TCF4: variants seen among roughly 807,000 people sequenced by gnomAD.
TCF4 encodes the protein transcription factor 4, also known as SL3-3 enhancer factor 2.
In TCF4, 3 loss-of-function variants were observed where a neutral mutation model predicts 82.1. The ratio of observed to expected loss-of-function variants is 0.04; its 90% CI spans 0.02 to 0.09. The LOEUF (loss-of-function observed/expected upper bound fraction) is 0.09. TCF4 is among the 10% of genes least tolerant of loss of function. The pLI is 1.00. For missense variants in TCF4, 518 were observed against 852.7 expected, an observed-to-expected ratio of 0.61 and a Z score of 4.89; for synonymous variants, 276 against 309.6, an observed-to-expected ratio of 0.89 and a Z score of 1.14.
chr18:55,339,062 A>G (rs1269521647), intron 8 of TCF4, among the ~76,000 whole-genome samples: 1 of 152,202 alleles, frequency 6.6e-6, no homozygotes, highest in Non-Finnish European at 1.5e-5. Flanking sequence ...CTGTTTCCTC[A>G]TGTGAATGCT....
chr18:55,236,581 T>C (rs1180205591), intron 15 of TCF4, among the ~76,000 whole-genome samples: 1 of 152,124 alleles, frequency 6.6e-6, no homozygotes, highest in Admixed American at 6.5e-5. Flanking sequence ...TAACTCACTC[T>C]CTTATATATT....
intron 6 of TCF4, among the ~76,000 whole-genome samples, chr18:55,393,035 T>C (rs989879903): frequency 6.6e-6 from 1 of 152,232 alleles, no homozygotes; most frequent in African/African-American, 2.4e-5. Context: ...AAAACTATTT[T>C]GCAGACATCT....
rs1411131416 is a variant in TCF4 at position 55,630,914 on chromosome 18, T to G, written c.286+384A>C. ...AGCATATGCAAAGGCTTTGTCCTAT[T>G]TGAAAATAGCAAAGGAGGCCAGAGT... On this transcript the variant is annotated intron_variant, in intron 2 of 20. Coordinates refer to the TCF4 transcript ENST00000398339. Among the ~76,000 whole-genome samples the G allele has an allele frequency of 2.0e-5, 3 of 152,328 alleles. No individual in the cohort carries two copies. The South Asian group carries it at 6.2e-4, about 32-fold the overall frequency.
intron 3 of TCF4, among the ~76,000 whole-genome samples, chr18:55,564,031 C>G (rs192420718): frequency 6.6e-6 from 1 of 152,122 alleles, no homozygotes; most frequent in African/African-American, 2.4e-5. Flanking sequence ...AAATTCAGCA[C>G]GCACTGAACC....
intron 3 of TCF4, among the ~76,000 whole-genome samples, chr18:55,556,249 A>G (rs552077143): frequency 1.3e-5 from 2 of 152,050 alleles, no homozygotes; most frequent in South Asian, 4.1e-4. Flanking sequence ...AATGCTCTGT[A>G]TCTCACATCC....
intron 3 of TCF4, among the ~76,000 whole-genome samples, chr18:55,564,450 A>G (rs1246595009): frequency 1.3e-5 from 2 of 152,236 alleles, no homozygotes; most frequent in Non-Finnish European, 2.9e-5. Context: ...AGGCTACTAG[A>G]GTAGACCAGG....
chr18:55,585,531 A>C (rs983021511), intron 2 of TCF4, 179 bp from the exon 3 acceptor site: 12 of 674,920 alleles, frequency 1.8e-5, no homozygotes, highest in Non-Finnish European at 3.0e-5. Flanking sequence ...ATCCCACCCC[A>C]GCCCCCATTA....
intron 6 of TCF4, among the ~76,000 whole-genome samples, chr18:55,400,275 C>T (rs565571168): frequency 2.6e-5 from 4 of 152,216 alleles, no homozygotes; most frequent in African/African-American, 9.6e-5. Context: ...TTCTGTCAGA[C>T]TTTCCATTAT....
At position 55,304,307 on chromosome 18, in the gene TCF4, G is replaced by C. The variant is rs186288122; in HGVS notation, c.550-24651C>G. 4.6e-3 allele frequency among the ~76,000 whole-genome samples: 699 copies of C among 152,214 alleles called. 12 individuals are homozygous for C. Among genetic ancestry groups the C allele is most frequent in the Admixed American group, 0.028 (421 of 15,290 alleles). On this transcript the variant is annotated intron_variant, in intron 8 of 19. Coordinates refer to ENST00000354452, the MANE Select transcript of TCF4 (RefSeq NM_001083962.2). ...ACCAGAAAACATAAACAAAAATATA[G>C]GAATTCGATGTGAGAGTAAGACAAA...
intron 3 of TCF4, among the ~76,000 whole-genome samples, chr18:55,566,773 G>T (rs531255697): frequency 2.6e-4 from 39 of 152,020 alleles, no homozygotes; most frequent in Admixed American, 2.6e-3. Flanking sequence ...ACATGTAATC[G>T]GAATCCCCAA....
chr18:55,236,888 C>T (rs1174533162), intron 15 of TCF4, among the ~76,000 whole-genome samples: 3 of 152,322 alleles, frequency 2.0e-5, no homozygotes, highest in Non-Finnish European at 4.4e-5. Context: ...AAGGTAACCA[C>T]AGATTTGAGC....
intron 5 of TCF4, chr18:55,452,789 A>G (rs886082957): frequency 3.3e-5 from 5 of 152,156 alleles, no homozygotes; most frequent in Non-Finnish European, 5.9e-5. Context: ...TGAAGGTGAG[A>G]TGCAAACAGC....
At chr18:55,578,530 T>C (rs969270062) in intron 3 of TCF4, among the ~76,000 whole-genome samples, 15 of 152,124 alleles carry the variant, frequency 9.9e-5, no homozygotes, top group African/African-American at 3.4e-4. Flanking sequence ...GTCATTACTT[T>C]GGGATTCCCT....
chr18:55,554,314 AGAAAAAATTT>A (rs1242318156), intron 3 of TCF4, among the ~76,000 whole-genome samples: 2 of 152,226 alleles, frequency 1.3e-5, no homozygotes, highest in Non-Finnish European at 2.9e-5. Flanking sequence ...TTGAGAAAGC[AGAAAAAATTT>A]GAAAAAATTT....
intron 15 of TCF4, among the ~76,000 whole-genome samples, chr18:55,237,910 C>T (rs752197489): frequency 6.6e-6 from 1 of 152,214 alleles, no homozygotes; most frequent in African/African-American, 2.4e-5. Flanking sequence ...AGTGGACTGT[C>T]GGCACAAATC....
intron 2 of TCF4, among the ~76,000 whole-genome samples, chr18:55,626,122 T>C (rs2097726325): frequency 6.6e-6 from 1 of 152,202 alleles, no homozygotes; most frequent in African/African-American, 2.4e-5. Context: ...TTCCAACTCA[T>C]TAGGGAGAAG....
intron 8 of TCF4, among the ~76,000 whole-genome samples, chr18:55,309,241 A>G (rs1262595532): frequency 6.6e-6 from 1 of 151,290 alleles, no homozygotes; most frequent in Non-Finnish European, 1.5e-5. Context: ...TCTCCTAAGT[A>G]GCTGGGACTA....
At chr18:55,357,099 C>T (rs1358213252) in intron 6 of TCF4, among the ~76,000 whole-genome samples, 5 of 152,038 alleles carry the variant, frequency 3.3e-5, no homozygotes, top group Admixed American at 6.6e-5. Flanking sequence ...GCCAGGTTTA[C>T]GCATATACCT....
At position 55,601,847 on chromosome 18, in the gene TCF4, A is replaced by G. The variant is rs989253036; in HGVS notation, c.287-14711T>C. Among the ~76,000 whole-genome samples the G allele has an allele frequency of 9.2e-5, 14 of 152,328 alleles. No homozygotes were observed. The East Asian group carries it at 2.5e-3, about 27-fold the overall frequency. ...GTATTCACCTACTCCCAAACCGGAA[A>G]GTGATTGTAAACTTCTCTCATGGAA... On this transcript the variant is annotated intron_variant, in intron 2 of 20. Transcript: ENST00000398339.
Sources: gnomAD v4.1 joint callset for allele counts (sites outside exome capture counted in the v4.1 genomes callset) on GRCh38, gnomAD v4.1.1 for gene constraint, MANE v1.5 for transcripts, NCBI Gene and HGNC (gene_info 2026-07-23, HGNC 2026-07-21) for gene names.